TIRAP: variants seen among roughly 807,000 people sequenced by gnomAD.
The protein encoded by TIRAP is TIR domain containing adaptor protein, also known as toll/interleukin-1 receptor domain-containing adapter protein.
In TIRAP, 20 loss-of-function variants were observed where a neutral mutation model predicts 19.8. That is an observed-to-expected ratio of 1.01 (90% CI 0.71 to 1.47). TIRAP has a LOEUF of 1.47. TIRAP is among the 40% of genes most tolerant of loss of function. The probability of loss-of-function intolerance (pLI) is 0.00; values close to 1 mark genes in which losing one functional copy is unlikely to be tolerated. For missense variants in TIRAP, 276 were observed against 285.1 expected, an observed-to-expected ratio of 0.97 and a Z score of 0.23; for synonymous variants, 125 against 121.7, an observed-to-expected ratio of 1.03 and a Z score of -0.18.
Position 126,290,278 on chromosome 11 carries a change from C to G in TIRAP, c.-216-184C>G, listed in dbSNP as rs1951364445. On this transcript the variant is annotated intron_variant, in intron 1 of 4. Transcript: ENST00000392679. The surrounding 1 kb of genome is among the most constrained non-coding windows in gnomAD (Gnocchi z 4.9). Reference sequence around the variant, plus strand: ...AGTCTGTACCACTTTTTGACATGACCTTCCTGAGCTGACGGCTGCAGGGGC... The same window carrying G: ...AGTCTGTACCACTTTTTGACATGACGTTCCTGAGCTGACGGCTGCAGGGGC... 6.6e-6 allele frequency among the ~76,000 whole-genome samples: 1 copy of G among 152,186 alleles called. No homozygotes were observed.
intron 4 of TIRAP, chr11:126,293,310 C>T: frequency 2.7e-6 from 2 of 737,542 alleles, no homozygotes; most frequent in South Asian, 3.0e-5. Context: ...ACAGTATATA[C>T]ACGAAGGGCT....
Position 126,293,038 on chromosome 11 carries a change from A to C in TIRAP, c.629A>C (p.Lys210Thr). 6.2e-7 allele frequency: 1 copy of C among 1,614,184 alleles called. No individual in the cohort carries two copies. The highest frequency in any genetic ancestry group is 8.5e-7 in the Non-Finnish European group (1 of 1,180,026). Reference protein sequence around the residue: ...RGPDGGFRQVKEAVMRYLQTL... With the variant: ...RGPDGGFRQVTEAVMRYLQTL... ...CCTGATGGTGGCTTTCGTCAAGTCAAAGAAGCTGTCATGCGTTGTAAGCTA... is the reference window on the plus strand; with the variant it reads ...CCTGATGGTGGCTTTCGTCAAGTCACAGAAGCTGTCATGCGTTGTAAGCTA... The change falls in exon 4 of 5, where the codon AAA (lysine) becomes ACA (threonine). Residue 210 changes from lysine (K) to threonine (T), a missense_variant. Transcript: ENST00000392679.
chr11:126,293,797 C>T lies in TIRAP; in HGVS notation c.*110C>T, dbSNP rs775978982. 8.4e-7 allele frequency: 1 copy of T among 1,191,800 alleles called. No individual in the cohort carries two copies. The allele number at this position is 1,191,800 out of a possible 1,614,324, so 73.8% of individuals were successfully genotyped here. A position where few individuals can be genotyped will look rare whatever the true frequency, so the allele number is the denominator to read the frequency against. On this transcript the variant is annotated 3_prime_UTR_variant, in exon 5 of 5. Coordinates refer to ENST00000392679, the MANE Select transcript of TIRAP (RefSeq NM_001318777.2). ...GACAAGAGGTATAGGGAGTGAGTCA[C>T]AGCGCTTTGCTCGTGACCCTGGGAT...
chr11:126,292,949 G>C lies in TIRAP; in HGVS notation c.540G>C (p.Ser180=). ...AGGGCTGCACCATCCCCCTGCTGTC[G>C]GGCCTCAGCAGAGCTGCCTACCCAC... The part of the protein sequence containing the change: ...GAEGCTIPLL[S]GLSRAAYPPE... Residue 180 remains serine, a synonymous_variant, in exon 4 of 5, where the codon TCG becomes TCC. Transcript: ENST00000392679. The C allele has an allele frequency of 6.2e-7, 1 of 1,614,038 alleles. No individual in the cohort carries two copies. The highest frequency in any genetic ancestry group is 1.1e-5 in the South Asian group (1 of 91,078).
rs8177360 is a variant in TIRAP at position 126,286,972 on chromosome 11, G to A, written c.-216-3490G>A. On this transcript the variant is annotated intron_variant, in intron 1 of 4. Coordinates refer to ENST00000392679, the MANE Select transcript of TIRAP (RefSeq NM_001318777.2). ...CTGCTTCCCTTGGCACAGCTCTTTC[G>A]TCTGCCTCAGACCTTCCTGCCTCCC... is the stretch of plus-strand genomic sequence containing the variant. Among the ~76,000 whole-genome samples, 1,322 of 152,230 alleles carry A rather than the reference G, an allele frequency of 8.7e-3. 15 individuals are homozygous for A. Among genetic ancestry groups the A allele is most frequent in the African/African-American group, 0.029 (1,194 of 41,524 alleles).
At chr11:126,285,507 G>A (rs375860855) in intron 1 of TIRAP, among the ~76,000 whole-genome samples, 3 of 151,248 alleles carry the variant, frequency 2.0e-5, no homozygotes, top group Non-Finnish European at 4.4e-5. Context: ...TTATCCGCCC[G>A]CCTCGGCCTC....
intron 1 of TIRAP, among the ~76,000 whole-genome samples, chr11:126,284,336 T>A (rs942947847): frequency 1.3e-5 from 2 of 152,050 alleles, no homozygotes; most frequent in African/African-American, 4.8e-5. Context: ...GCCCAGCCCT[T>A]CATGTACTCT....
intron 1 of TIRAP, among the ~76,000 whole-genome samples, chr11:126,285,676 T>C (rs1376522796): frequency 1.3e-5 from 2 of 152,110 alleles, no homozygotes; most frequent in African/African-American, 4.8e-5. Flanking sequence ...TATCATTTTT[T>C]CCCCTTATAG....
rs1247594646 is a variant in TIRAP at position 126,290,911 on chromosome 11, C to A, written c.17C>A (p.Ser6Tyr). 1 of 1,607,070 alleles carries A rather than the reference C, an allele frequency of 6.2e-7. No individual in the cohort carries two copies. The highest frequency in any genetic ancestry group is 8.5e-7 in the Non-Finnish European group (1 of 1,176,334). Reference protein sequence around the residue: MASSTSLPAPGSRPKK... With the variant: MASSTYLPAPGSRPKK... Reference sequence around the variant, plus strand: ...CCCCACGCTATGGCATCATCGACCTCCCTCCCAGCTCCTGGCTCTCGGCCT... The same window carrying A: ...CCCCACGCTATGGCATCATCGACCTACCTCCCAGCTCCTGGCTCTCGGCCT... Residue 6 changes from serine to tyrosine, a missense_variant, in exon 3 of 5, where the codon TCC becomes TAC. Physicochemically the swap from Ser to Tyr is moderately radical, Grantham distance 144 (BLOSUM62 -2). Coordinates refer to ENST00000392679, the MANE Select transcript of TIRAP (RefSeq NM_001318777.2). The surrounding 1 kb of genome is among the most constrained non-coding windows in gnomAD (Gnocchi z 4.9).
At position 126,285,243 on chromosome 11, in the gene TIRAP, G is replaced by GTGTGTGTGTGTATATATATATATATA; in HGVS notation, c.-217+2091_-217+2092insGTGTGTGTGTATATATATATATATAT. Among the ~76,000 whole-genome samples the GTGTGTGTGTGTATATATATATATATA allele has an allele frequency of 4.8e-3, 518 of 106,898 alleles. 2 individuals are homozygous for GTGTGTGTGTGTATATATATATATATA. Among genetic ancestry groups the GTGTGTGTGTGTATATATATATATATA allele is most frequent in the Middle Eastern group, 0.018 (4 of 218 alleles). 70.1% of individuals were successfully genotyped at this position (106,898 alleles called of 152,430 possible). A position where few individuals can be genotyped will look rare whatever the true frequency, so the allele number is the denominator to read the frequency against. On this transcript the variant is annotated intron_variant, in intron 1 of 4. Coordinates refer to ENST00000392679, the MANE Select transcript of TIRAP (RefSeq NM_001318777.2). ...ATTTATTGGATATATGTGTGTGTGTGTATATATATATATATATAATATATA... is the reference window on the plus strand; with the variant it reads ...ATTTATTGGATATATGTGTGTGTGTGTGTGTGTGTGTATATATATATATATATATATATATATATATATAATATATA...
In TIRAP at chr11:126,290,381, T is replaced by G. The variant is rs973379497; in HGVS notation, c.-216-81T>G. ...CTCCCAAGATTTCCTGCATGTGCTCTCTCTCTACTGTTCAGCTTCTGTCTA... is the reference window on the plus strand; with the variant it reads ...CTCCCAAGATTTCCTGCATGTGCTCGCTCTCTACTGTTCAGCTTCTGTCTA... On this transcript the variant is annotated intron_variant, in intron 1 of 4. Transcript: ENST00000392679. The surrounding 1 kb of genome is among the most constrained non-coding windows in gnomAD (Gnocchi z 4.9). 37 of 964,326 alleles carry G rather than the reference T, an allele frequency of 3.8e-5. No individual in the cohort carries two copies. In the African/African-American group the frequency reaches 6.0e-4, roughly 16 times the overall value. 59.7% of individuals were successfully genotyped at this position (964,326 alleles called of 1,614,324 possible).
rs1469585061 is a variant in TIRAP at position 126,288,002 on chromosome 11, C to T, written c.-216-2460C>T. ...CTCCTGAGCTCACATGATCTGCCCA[C>T]CTCGGCCTCCCAAAGTGCTGGGATT... On this transcript the variant is annotated intron_variant, in intron 1 of 4. Transcript: ENST00000392679. The surrounding 1 kb of genome is among the most constrained non-coding windows in gnomAD (Gnocchi z 5.0). 2.0e-5 allele frequency among the ~76,000 whole-genome samples: 3 copies of T among 152,162 alleles called. No individual in the cohort carries two copies. Among genetic ancestry groups the T allele is most frequent in the Non-Finnish European group, 4.4e-5 (3 of 68,032 alleles).
chr11:126,291,638 G>T lies in TIRAP; in HGVS notation c.67+677G>T. The T allele has an allele frequency of 2.4e-6, 1 of 416,724 alleles. No individual in the cohort carries two copies. Among genetic ancestry groups the T allele is most frequent in the South Asian group, 1.7e-5 (1 of 57,630 alleles). 25.8% of individuals were successfully genotyped at this position (416,724 alleles called of 1,614,324 possible). A position where few individuals can be genotyped will look rare whatever the true frequency, so the allele number is the denominator to read the frequency against. On this transcript the variant is annotated intron_variant, in intron 3 of 4. Transcript: ENST00000392679. The surrounding 1 kb of genome is among the most constrained non-coding windows in gnomAD (Gnocchi z 5.6). The stretch of plus-strand genomic sequence containing the variant: ...AGCAGTAGCCTCTTCCCCATTTAGC[G>T]ACAATCTAGGATTTCTTGGGGCCAA...
At chr11:126,289,768 A>G (rs1951359599) in intron 1 of TIRAP, 1 of 985,406 alleles carries the variant, frequency 1.0e-6, no homozygotes, top group Non-Finnish European at 1.2e-6. Context: ...CTCCACAGAA[A>G]CTTAAGGCTG....
rs567808997 is a variant in TIRAP at position 126,288,050 on chromosome 11, G to A, written c.-216-2412G>A. Among the ~76,000 whole-genome samples, 5 of 151,500 alleles carry A rather than the reference G, an allele frequency of 3.3e-5. No individual in the cohort carries two copies. Among genetic ancestry groups the A allele is most frequent in the South Asian group, 2.1e-4 (1 of 4,806 alleles). On this transcript the variant is annotated intron_variant, in intron 1 of 4. Coordinates refer to ENST00000392679, the MANE Select transcript of TIRAP (RefSeq NM_001318777.2). The surrounding 1 kb of genome is among the most constrained non-coding windows in gnomAD (Gnocchi z 5.0). ...ATTACAGGGGAGCACCAGCACACCC[G>A]GCTAAATTTTGTATTTTTAGTAGAG...
intron 4 of TIRAP, 178 bp downstream of exon 4, chr11:126,293,233 G>C (rs1028256621): frequency 8.9e-7 from 1 of 1,127,108 alleles, no homozygotes; most frequent in East Asian, 2.6e-5. Context: ...ACTTGGCCAA[G>C]TTACTCACCC....
At chr11:126,293,179 G>C in intron 4 of TIRAP, 124 bp downstream of exon 4, 1 of 1,547,382 alleles carries the variant, frequency 6.5e-7, no homozygotes, top group Admixed American at 1.8e-5. Context: ...AAGGCTGTCG[G>C]GGTTTGTATC....
Position 126,290,740 on chromosome 11 carries a change from T to A in TIRAP, c.-92-63T>A. ...GAGAAACAGAACTTCGCAGAGCTCA[T>A]CCATGGGGAATGAGAGCAGGGTAAG... is the stretch of plus-strand genomic sequence containing the variant. On this transcript the variant is annotated intron_variant, in intron 2 of 4. Coordinates refer to ENST00000392679, the MANE Select transcript of TIRAP (RefSeq NM_001318777.2). This position sits in a 1 kb window ranked among gnomAD's most constrained non-coding sequence, Gnocchi z 4.9. 1 of 1,426,386 alleles carries A rather than the reference T, an allele frequency of 7.0e-7. No individual in the cohort carries two copies. The highest frequency in any genetic ancestry group is 9.1e-7 in the Non-Finnish European group (1 of 1,093,054). 88.4% of individuals were successfully genotyped at this position (1,426,386 alleles called of 1,614,324 possible). A position where few individuals can be genotyped will look rare whatever the true frequency, so the allele number is the denominator to read the frequency against.
intron 1 of TIRAP, among the ~76,000 whole-genome samples, chr11:126,285,773 C>A (rs557779317): frequency 2.0e-5 from 3 of 151,944 alleles, no homozygotes; most frequent in African/African-American, 7.2e-5. Context: ...CATGGTGGCT[C>A]ATGCCTGTAA....
Sources: allele counts gnomAD v4.1 joint callset (sites outside exome capture counted in the v4.1 genomes callset), GRCh38; gene constraint gnomAD v4.1.1; non-coding constraint Gnocchi (gnomAD v3.1); transcripts MANE v1.5; gene names NCBI Gene and HGNC (gene_info 2026-07-23, HGNC 2026-07-21).